TMEM177: variants seen among roughly 807,000 people sequenced by gnomAD.
TMEM177 encodes transmembrane protein 177.
In TMEM177, 4 loss-of-function variants were observed where a neutral mutation model predicts 14.2. The observed-to-expected ratio is 0.28, with a 90% CI of 0.14 to 0.64. The LOEUF is 0.64. Ranked by LOEUF, TMEM177 falls within the 30% of genes least tolerant of loss-of-function variation. TMEM177 has a pLI of 0.82. For synonymous variants in TMEM177, 179 were observed against 174.5 expected (o/e 1.03, Z -0.20); for missense variants, 344 against 405.2 (o/e 0.85, Z 1.30).
At chr2:119,699,079 AT>A in the TMEM177 span, 2 of 193,398 alleles carry the variant, frequency 1.0e-5, no homozygotes, top group Non-Finnish European at 2.2e-5. Flanking sequence ...TGTCTGAACG[AT>A]GTCACTTTAC....
the TMEM177 span, among the ~76,000 whole-genome samples, chr2:119,705,450 G>A: frequency 7.2e-5 from 11 of 152,268 alleles, no homozygotes; most frequent in South Asian, 1.7e-3. Context: ...GTCGCCTTAC[G>A]GTTGTAGGAC....
chr2:119,684,119 G>A (rs1032450303), downstream of TMEM177, among the ~76,000 whole-genome samples: 3 of 152,124 alleles, frequency 2.0e-5, no homozygotes, highest in Admixed American at 6.5e-5. Context: ...GGCGAAAACC[G>A]CATCTCCTGC....
At chr2:119,698,062 C>T in the TMEM177 span, among the ~76,000 whole-genome samples, 1 of 152,060 alleles carries the variant, frequency 6.6e-6, no homozygotes, top group African/African-American at 2.4e-5. Context: ...GGAGGCAATG[C>T]CAACTTGCAG....
rs201955534 is a variant in TMEM177 at position 119,681,734 on chromosome 2, G to A, written c.881G>A (p.Arg294His). 2.0e-5 allele frequency: 32 copies of A among 1,613,998 alleles called. No individual in the cohort carries two copies. The highest frequency in any genetic ancestry group is 5.0e-5 in the Admixed American group (3 of 60,000). ...ATCAAACATTTACCCTACACCACCC[G>A]CCGGGACTCTGTGCTGCAGATGTGG... ...FRIKHLPYTTRRDSVLQMWRG... is the reference protein window; with the variant it reads ...FRIKHLPYTTHRDSVLQMWRG... The change falls in exon 2 of 2, where the codon CGC (arginine) becomes CAC (histidine). Residue 294 changes from arginine (R) to histidine (H), a missense_variant. Arg to His is a conservative substitution (Grantham distance 29). Transcript: ENST00000272521.
At chr2:119,718,125 A>G in the TMEM177 span, among the ~76,000 whole-genome samples, 2 of 152,232 alleles carry the variant, frequency 1.3e-5, no homozygotes, top group Non-Finnish European at 2.9e-5. Context: ...ATCTTAAATC[A>G]GAGCAAAAGG....
chr2:119,681,363 C>T lies in TMEM177; in HGVS notation c.510C>T (p.Ala170=). 1.2e-6 allele frequency: 2 copies of T among 1,613,994 alleles called. No individual in the cohort carries two copies. The highest frequency in any genetic ancestry group is 1.7e-6 in the Non-Finnish European group (2 of 1,179,876). ...AAAGCAGTACCACTGCCGTGCACGC[C>T]CTGCTGGCCCCAGCTTGCCTGGCAG... ...YLESSTTAVH[A]LLAPACLAGT... The change falls in exon 2 of 2, where the codon GCC becomes GCT. Residue 170 remains alanine, a synonymous_variant. Coordinates refer to ENST00000272521, the MANE Select transcript of TMEM177 (RefSeq NM_030577.3).
At chr2:119,715,559 G>A in the TMEM177 span, among the ~76,000 whole-genome samples, 4 of 152,102 alleles carry the variant, frequency 2.6e-5, no homozygotes, top group African/African-American at 9.7e-5. Flanking sequence ...AGCCTTCCCA[G>A]GCTGCCCTCA....
the TMEM177 span, among the ~76,000 whole-genome samples, chr2:119,716,055 G>A: frequency 6.6e-6 from 1 of 152,192 alleles, no homozygotes; most frequent in Non-Finnish European, 1.5e-5. Flanking sequence ...CAGATGGTTC[G>A]GCTTGCATTC....
chr2:119,692,911 G>T, the TMEM177 span, among the ~76,000 whole-genome samples: 1 of 139,380 alleles, frequency 7.2e-6, no homozygotes, highest in Non-Finnish European at 1.5e-5. Context: ...GGCAGAGGTT[G>T]CAGTGAGCCG....
At chr2:119,719,436 A>C in the TMEM177 span, among the ~76,000 whole-genome samples, 2 of 152,164 alleles carry the variant, frequency 1.3e-5, no homozygotes, top group Admixed American at 6.5e-5. Context: ...CCAGGCTCAG[A>C]GTGTGATTGC....
the TMEM177 span, among the ~76,000 whole-genome samples, chr2:119,706,840 A>G: frequency 6.6e-6 from 1 of 152,052 alleles, no homozygotes; most frequent in Non-Finnish European, 1.5e-5. Flanking sequence ...CAGGCATTGC[A>G]CCCATGTTTC....
chr2:119,708,790 A>G, the TMEM177 span, among the ~76,000 whole-genome samples: 1 of 151,564 alleles, frequency 6.6e-6, no homozygotes, highest in Non-Finnish European at 1.5e-5. Flanking sequence ...CAGGGCACAC[A>G]CCCTCTCCTC....
chr2:119,706,576 C>T, the TMEM177 span, among the ~76,000 whole-genome samples: 1 of 152,056 alleles, frequency 6.6e-6, no homozygotes, highest in East Asian at 1.9e-4. Context: ...AAGCTAGCTT[C>T]CTTTTTTTTT....
the TMEM177 span, among the ~76,000 whole-genome samples, chr2:119,702,631 G>A: frequency 6.6e-6 from 1 of 152,138 alleles, no homozygotes; most frequent in Non-Finnish European, 1.5e-5. Flanking sequence ...AAAAATTAAT[G>A]CAAAATAAAG....
the TMEM177 span, among the ~76,000 whole-genome samples, chr2:119,713,321 G>A: frequency 1.3e-5 from 2 of 152,098 alleles, no homozygotes; most frequent in South Asian, 2.1e-4. Flanking sequence ...GCCCGCCTCA[G>A]CCTCCCAAAG....
chr2:119,715,097 G>T, the TMEM177 span, among the ~76,000 whole-genome samples: 1 of 152,130 alleles, frequency 6.6e-6, no homozygotes, highest in Non-Finnish European at 1.5e-5. Flanking sequence ...AAAGAAACTG[G>T]GAAGGCCAGG....
At chr2:119,680,710 C>A (rs1688871877) in intron 1 of TMEM177, 122 bp from the exon 2 acceptor site, 4 of 731,418 alleles carry the variant, frequency 5.5e-6, no homozygotes, top group East Asian at 2.7e-5. Flanking sequence ...GGCTCTAGAG[C>A]CCACACTCTT....
the TMEM177 span, among the ~76,000 whole-genome samples, chr2:119,705,619 C>CGTGTGTAT: frequency 2.2e-5 from 3 of 139,160 alleles, no homozygotes; most frequent in Non-Finnish European, 4.6e-5. Context: ...CACTCAGATC[C>CGTGTGTAT]GTGTGTGTGT....
In TMEM177 at chr2:119,681,775, C is replaced by A; in HGVS notation, c.922C>A (p.Pro308Thr). 2 of 1,612,964 alleles carry A rather than the reference C, an allele frequency of 1.2e-6. No homozygotes were observed. The highest frequency in any genetic ancestry group is 1.7e-5 in the Admixed American group (1 of 59,984). Residue 308 changes from proline to threonine, a missense_variant, in exon 2 of 2, where the codon CCG becomes ACG. Physicochemically the swap from Pro to Thr is conservative, Grantham distance 38. Coordinates refer to ENST00000272521, the MANE Select transcript of TMEM177 (RefSeq NM_030577.3). Reference protein sequence around the residue: ...VLQMWRGMLNPGRS With the variant: ...VLQMWRGMLNTGRS ...GCAGATGTGGAGGGGGATGCTCAAT[C>A]CGGGCCGCTCCTGATGGGCTCATCA...
Sources: allele counts gnomAD v4.1 joint callset (sites outside exome capture counted in the v4.1 genomes callset), GRCh38; gene constraint gnomAD v4.1.1; transcripts MANE v1.5; gene names NCBI Gene and HGNC (gene_info 2026-07-23, HGNC 2026-07-21).